SLC24A2: variants seen among roughly 807,000 people sequenced by gnomAD.
The protein encoded by SLC24A2 is sodium/potassium/calcium exchanger 2.
Under a neutral mutation model 62.0 loss-of-function variants are expected in SLC24A2, and 36 were observed. The ratio of observed to expected loss-of-function variants is 0.58; its 90% confidence interval spans 0.44 to 0.77. SLC24A2 has a LOEUF of 0.77. Among genes scored for constraint, SLC24A2 ranks in the 30% least tolerant of loss-of-function variants. SLC24A2 has a pLI of 0.00. For synonymous variants in SLC24A2, 358 were observed against 294.0 expected (o/e 1.22, Z -2.23); for missense variants, 846 against 817.9 (o/e 1.03, Z -0.42).
the SLC24A2 span, among the ~76,000 whole-genome samples, chr9:20,156,685 T>C: frequency 6.6e-6 from 1 of 151,778 alleles, no homozygotes; most frequent in Non-Finnish European, 1.5e-5. Flanking sequence ...CCTTTCCTGT[T>C]TATACTGAAT....
chr9:20,226,567 C>T, the SLC24A2 span, among the ~76,000 whole-genome samples: 3,426 of 152,152 alleles, frequency 0.023, 134 homozygotes, highest in African/African-American at 0.077. Context: ...AATTGTGTGC[C>T]TACTGCAATT....
intron 2 of SLC24A2, among the ~76,000 whole-genome samples, chr9:19,710,333 G>C (rs1309559443): frequency 1.3e-5 from 2 of 152,128 alleles, no homozygotes; most frequent in South Asian, 2.1e-4. Context: ...ACAATTACCT[G>C]CAGTGTCACA....
At chr9:19,593,926 T>C (rs1378946393) in intron 5 of SLC24A2, among the ~76,000 whole-genome samples, 1 of 152,188 alleles carries the variant, frequency 6.6e-6, no homozygotes, top group African/African-American at 2.4e-5. Flanking sequence ...ATGATCATTA[T>C]GATAGATGAT....
chr9:20,288,933 A>T, the SLC24A2 span, among the ~76,000 whole-genome samples: 1 of 152,050 alleles, frequency 6.6e-6, no homozygotes, highest in Admixed American at 6.6e-5. Flanking sequence ...ACAGCATCAG[A>T]GAATGTCTCA....
the SLC24A2 span, among the ~76,000 whole-genome samples, chr9:20,127,936 T>C: frequency 2.8e-4 from 42 of 152,248 alleles, no homozygotes; most frequent in Admixed American, 2.5e-3. Context: ...ATGAAGAATT[T>C]TTTTTTAAGG....
At chr9:19,669,206 G>C (rs1042923441) in intron 2 of SLC24A2, among the ~76,000 whole-genome samples, 4 of 152,204 alleles carry the variant, frequency 2.6e-5, no homozygotes, top group African/African-American at 9.6e-5. Context: ...AAGAGAAAGA[G>C]AGGCTCACCC....
chr9:20,122,065 G>A, the SLC24A2 span, among the ~76,000 whole-genome samples: 3 of 152,252 alleles, frequency 2.0e-5, no homozygotes, highest in South Asian at 6.2e-4. Flanking sequence ...GATGAGCTGG[G>A]GGCACCAAAC....
chr9:19,546,950 C>G (rs1235156634), intron 8 of SLC24A2, among the ~76,000 whole-genome samples: 1 of 152,106 alleles, frequency 6.6e-6, no homozygotes, highest in African/African-American at 2.4e-5. Context: ...AATTTCCTGA[C>G]CCCTTGCACT....
At chr9:20,078,665 T>C in the SLC24A2 span, among the ~76,000 whole-genome samples, 1 of 152,176 alleles carries the variant, frequency 6.6e-6, no homozygotes, top group Non-Finnish European at 1.5e-5. Context: ...CCTTCAGCTC[T>C]AAGCTGGGCA....
the SLC24A2 span, among the ~76,000 whole-genome samples, chr9:19,961,418 CT>C: frequency 6.6e-6 from 1 of 151,884 alleles, no homozygotes; most frequent in African/African-American, 2.4e-5. Flanking sequence ...GGTTAAAAGC[CT>C]TTTTTTTCTT....
At chr9:19,900,157 G>C in the SLC24A2 span, among the ~76,000 whole-genome samples, 20 of 152,146 alleles carry the variant, frequency 1.3e-4, no homozygotes, top group African/African-American at 4.8e-4. Flanking sequence ...GAATGCAATG[G>C]ATTACAGGGC....
At chr9:19,888,736 C>T in the SLC24A2 span, among the ~76,000 whole-genome samples, 2 of 152,178 alleles carry the variant, frequency 1.3e-5, no homozygotes, top group African/African-American at 2.4e-5. Context: ...ACAGAATCTG[C>T]TGCCTCGGTG....
intron 1 of SLC24A2, 98 bp from the exon 2 acceptor site, chr9:19,787,117 G>T: frequency 1.6e-6 from 1 of 625,212 alleles, no homozygotes; most frequent in Non-Finnish European, 2.0e-6. Context: ...CTGCAGCTGT[G>T]CGATCTTGGG....
chr9:20,198,959 A>C, the SLC24A2 span, among the ~76,000 whole-genome samples: 1 of 151,874 alleles, frequency 6.6e-6, no homozygotes, highest in African/African-American at 2.4e-5. Flanking sequence ...CAATGTGGGG[A>C]AACTTGCTTT....
the SLC24A2 span, among the ~76,000 whole-genome samples, chr9:19,960,165 T>C: frequency 6.6e-6 from 1 of 152,062 alleles, no homozygotes; most frequent in African/African-American, 2.4e-5. Flanking sequence ...AGAAATGCAT[T>C]TTATATCCTA....
chr9:19,603,343 A>G (rs886618322), intron 4 of SLC24A2, among the ~76,000 whole-genome samples: 3 of 152,190 alleles, frequency 2.0e-5, no homozygotes, highest in Non-Finnish European at 4.4e-5. Flanking sequence ...AAACACATTT[A>G]TTACCCACTC....
At chr9:19,835,303 A>C in the SLC24A2 span, among the ~76,000 whole-genome samples, 1 of 152,220 alleles carries the variant, frequency 6.6e-6, no homozygotes, top group Non-Finnish European at 1.5e-5. Flanking sequence ...GAGTCAAGAC[A>C]CATCAGTGTG....
At chr9:19,938,566 T>C in the SLC24A2 span, among the ~76,000 whole-genome samples, 2 of 152,186 alleles carry the variant, frequency 1.3e-5, no homozygotes, top group African/African-American at 4.8e-5. Context: ...ACATTTCTAA[T>C]GTTATTAGTT....
At chr9:20,201,760 AAAGT>A in the SLC24A2 span, among the ~76,000 whole-genome samples, 2 of 152,164 alleles carry the variant, frequency 1.3e-5, no homozygotes, top group Non-Finnish European at 2.9e-5. Context: ...AGAGAGGAGA[AAAGT>A]AACATTTTTA....
Sources: allele counts gnomAD v4.1 joint callset (sites outside exome capture counted in the v4.1 genomes callset), GRCh38; gene constraint gnomAD v4.1.1; transcripts MANE v1.5; gene names NCBI Gene and HGNC (gene_info 2026-07-23, HGNC 2026-07-21).